The following CALU variants were observed in gnomAD, a reference collection of about 807,000 sequenced individuals.
CALU encodes the protein calumenin.
A neutral mutation model predicts 37.5 loss-of-function variants in CALU; 13 were observed. The observed-to-expected ratio is 0.35, with a 90% CI of 0.23 to 0.55. CALU has a LOEUF of 0.55. CALU is among the 20% of genes least tolerant of loss of function. The pLI, the probability that CALU is intolerant of heterozygous loss-of-function variation, is 0.89. For synonymous variants in CALU, 114 were observed against 133.8 expected, an observed-to-expected ratio of 0.85 and a Z score of 1.02; for missense variants, 282 against 391.7, an observed-to-expected ratio of 0.72 and a Z score of 2.36.
chr7:128,745,335 A>G (rs754368817), intron 1 of CALU, among the ~76,000 whole-genome samples: 45 of 152,186 alleles, frequency 3.0e-4, no homozygotes, highest in Non-Finnish European at 5.6e-4. Context: ...TTATTTGTTT[A>G]TAGGCTGGGT....
chr7:128,767,162 T>C (rs866469339), intron 5 of CALU, among the ~76,000 whole-genome samples: 16 of 152,238 alleles, frequency 1.1e-4, no homozygotes, highest in Admixed American at 9.8e-4. Context: ...GGAACGAGTC[T>C]AAGTCTTTCT....
chr7:128,742,512 C>T (rs1219130634), intron 1 of CALU, among the ~76,000 whole-genome samples: 1 of 152,190 alleles, frequency 6.6e-6, no homozygotes, highest in East Asian at 1.9e-4. Flanking sequence ...ATTTAAACAT[C>T]TAAATTTCCC....
intron 1 of CALU, among the ~76,000 whole-genome samples, chr7:128,745,156 C>T (rs891889387): frequency 4.6e-5 from 7 of 152,200 alleles, no homozygotes; most frequent in African/African-American, 1.7e-4. Context: ...TAAAATTTTC[C>T]TAAAGATAAA....
In CALU at chr7:128,755,926, A is replaced by G. The variant is rs546405441; in HGVS notation, c.415+1471A>G. 5.3e-5 allele frequency among the ~76,000 whole-genome samples: 8 copies of G among 152,366 alleles called. No homozygotes were observed. The South Asian group carries it at 8.3e-4, about 16-fold the overall frequency. On this transcript the variant is annotated intron_variant, in intron 3 of 6. Transcript: ENST00000249364. ...GTGTATAATGGATCTGTTTCCCCAC[A>G]GATAGCCAGCTGTCTGCATTAATTA...
At position 128,773,295 on chromosome 7, in the gene CALU, A is replaced by T. The variant is rs181833432; in HGVS notation, c.*4128A>T. ...TTTTTATTTTTATTTTTTTAATTTT[A>T]TTTAAGTTCCAGGATACATGTGCAG... On this transcript the variant is annotated 3_prime_UTR_variant, in exon 7 of 7. Coordinates refer to ENST00000249364, the MANE Select transcript of CALU (RefSeq NM_001219.5). Among the ~76,000 whole-genome samples, 68 of 152,304 alleles carry T rather than the reference A, an allele frequency of 4.5e-4. No individual in the cohort carries two copies. The highest frequency in any genetic ancestry group is 1.6e-3 in the African/African-American group (66 of 41,562).
At position 128,768,697 on chromosome 7, in the gene CALU, G is replaced by A. The variant is rs556332964; in HGVS notation, c.844-366G>A. ...CTACTAAAAATACAAAATTACCTGG[G>A]CGTGGTGGCGCATGCCTGTAATCCC... On this transcript the variant is annotated intron_variant, in intron 6 of 6. Coordinates refer to ENST00000249364, the MANE Select transcript of CALU (RefSeq NM_001219.5). Among the ~76,000 whole-genome samples, 7 of 152,060 alleles carry A rather than the reference G, an allele frequency of 4.6e-5. 1 individual carries two copies. The East Asian group carries it at 9.7e-4, about 21-fold the overall frequency.
intron 3 of CALU, among the ~76,000 whole-genome samples, chr7:128,758,289 A>G (rs778621933): frequency 2.6e-5 from 4 of 152,188 alleles, no homozygotes; most frequent in Non-Finnish European, 5.9e-5. Flanking sequence ...CCAAGTGTCC[A>G]TTATGTGAGG....
rs1390112596 is a variant in CALU, at chr7:128,739,363, G to C, written c.-81G>C. On this transcript the variant is annotated 5_prime_UTR_variant, in exon 1 of 7. Transcript: ENST00000249364. ...ACCCGCTTCCGGTTGGGCGGTGCTT[G>C]CGCGCGTGAGCTGAGCCGGTGGGTG... The C allele has an allele frequency of 1.7e-4, 26 of 152,546 alleles. 1 individual carries two copies. The highest frequency in any genetic ancestry group is 1.7e-3 in the Admixed American group (26 of 15,296). The allele number at this position is 152,546 out of a possible 1,614,324, so 9.4% of individuals were successfully genotyped here. A position where few individuals can be genotyped will look rare whatever the true frequency, so the allele number is the denominator to read the frequency against.
rs1247250965 is a variant in CALU, at chr7:128,773,368, T to C, written c.*4201T>C. Among the ~76,000 whole-genome samples, 1 of 152,228 alleles carries C rather than the reference T, an allele frequency of 6.6e-6. No individual in the cohort carries two copies. The highest frequency in any genetic ancestry group is 6.5e-5 in the Admixed American group (1 of 15,282). On this transcript the variant is annotated 3_prime_UTR_variant, in exon 7 of 7. Transcript: ENST00000249364. ...GTAAACGTGTGCCATGGTGGTTTGCTGCACGAGTTTTTCAATAAAATGCTT... is the reference window on the plus strand; with the variant it reads ...GTAAACGTGTGCCATGGTGGTTTGCCGCACGAGTTTTTCAATAAAATGCTT...
In CALU at chr7:128,758,877, C is replaced by T; in HGVS notation, c.422C>T (p.Pro141Leu). The change falls in exon 4 of 7, where the codon CCA becomes CTA. Residue 141 changes from proline to leucine, a missense_variant. By Grantham distance (98) the Pro-to-Leu change is moderately conservative. Transcript: ENST00000249364. ...CTAAATTTTTGTTTTCTAGATGATC[C>T]AGATCCTGATGATGGATTTAACTAT... The part of the protein sequence containing the change: ...NATYGYVLDD[P>L]DPDDGFNYKQ... 1 of 1,610,992 alleles carries T rather than the reference C, an allele frequency of 6.2e-7. No homozygotes were observed. The highest frequency in any genetic ancestry group is 1.3e-5 in the African/African-American group (1 of 74,910).
chr7:128,742,689 A>G (rs1438985637), intron 1 of CALU, among the ~76,000 whole-genome samples: 1 of 152,174 alleles, frequency 6.6e-6, no homozygotes, highest in Non-Finnish European at 1.5e-5. Flanking sequence ...GGGAGAAGTG[A>G]TAAGAATTTA....
chr7:128,752,585 A>G (rs537484354), intron 2 of CALU, among the ~76,000 whole-genome samples: 11 of 152,344 alleles, frequency 7.2e-5, no homozygotes, highest in Non-Finnish European at 1.0e-4. Context: ...CAATATTGGT[A>G]TAGCTTCATC....
chr7:128,743,118 G>A (rs772343666), intron 1 of CALU, among the ~76,000 whole-genome samples: 9 of 151,704 alleles, frequency 5.9e-5, no homozygotes, highest in Non-Finnish European at 1.3e-4. Flanking sequence ...GTAGTCACAT[G>A]TGGCTAGTGG....
rs780447000 is a variant in CALU, at chr7:128,772,614, C to T, written c.*3447C>T. ...TGGGAGCTGCATGTGTCGGATTCAT[C>T]TGTCATGGCCTTCCCACACACCATC... is the stretch of plus-strand genomic sequence containing the variant. On this transcript the variant is annotated 3_prime_UTR_variant, in exon 7 of 7. Coordinates refer to ENST00000249364, the MANE Select transcript of CALU (RefSeq NM_001219.5). 1.2e-6 allele frequency: 2 copies of T among 1,614,174 alleles called. No homozygotes were observed. Among genetic ancestry groups the T allele is most frequent in the East Asian group, 2.2e-5 (1 of 44,886 alleles).
intron 1 of CALU, among the ~76,000 whole-genome samples, chr7:128,740,514 T>G (rs540742073): frequency 6.6e-6 from 1 of 152,318 alleles, no homozygotes; most frequent in South Asian, 2.1e-4. Context: ...GTAGATTTAA[T>G]TAACCAAATA....
chr7:128,768,863 A>AAAAAAAAAAAAAAC lies in CALU; in HGVS notation c.844-195_844-194insAAAAAAAACAAAAA, dbSNP rs1554368156. ...ACTCCGTCTCAAAAAAAAAAAAAAA[A>AAAAAAAAAAAAAAC]AAAAACAAGGAATGTGTAATTGCTG... On this transcript the variant is annotated intron_variant, in intron 6 of 6. Coordinates refer to ENST00000249364, the MANE Select transcript of CALU (RefSeq NM_001219.5). Among the ~76,000 whole-genome samples the AAAAAAAAAAAAAAC allele has an allele frequency of 4.1e-3, 605 of 147,950 alleles. 12 individuals are homozygous for AAAAAAAAAAAAAAC. Among genetic ancestry groups the AAAAAAAAAAAAAAC allele is most frequent in the African/African-American group, 0.015 (583 of 38,238 alleles).
chr7:128,749,210 T>C (rs1800564788), intron 2 of CALU, among the ~76,000 whole-genome samples: 3 of 152,246 alleles, frequency 2.0e-5, no homozygotes, highest in Admixed American at 2.0e-4. Context: ...AAACGGCACA[T>C]TGGATCCCTA....
intron 5 of CALU, among the ~76,000 whole-genome samples, chr7:128,764,627 A>G (rs1404768796): frequency 2.0e-5 from 3 of 152,232 alleles, no homozygotes; most frequent in Non-Finnish European, 4.4e-5. Flanking sequence ...ATACCAAGGA[A>G]TTGATTTTGT....
chr7:128,751,972 G>T lies in CALU; in HGVS notation c.222-2290G>T, dbSNP rs138720794. Among the ~76,000 whole-genome samples the T allele has an allele frequency of 7.6e-4, 116 of 152,262 alleles. 1 individual carries two copies. Among genetic ancestry groups the T allele is most frequent in the African/African-American group, 2.7e-3 (111 of 41,558 alleles). The stretch of plus-strand genomic sequence containing the variant: ...GTCCATAGGGTTCTCCCCTGTCACA[G>T]GACTATGACACCATTAGCTTCATAA... On this transcript the variant is annotated intron_variant, in intron 2 of 6. Coordinates refer to ENST00000249364, the MANE Select transcript of CALU (RefSeq NM_001219.5).
Sources: gnomAD v4.1 joint callset for allele counts (sites outside exome capture counted in the v4.1 genomes callset) on GRCh38, gnomAD v4.1.1 for gene constraint, MANE v1.5 for transcripts, NCBI Gene and HGNC (gene_info 2026-07-23, HGNC 2026-07-21) for gene names.